The following TRPM3 variants were observed in gnomAD, a reference collection of about 807,000 sequenced individuals.
TRPM3 encodes long transient receptor potential channel 3.
A neutral mutation model predicts 181.2 loss-of-function variants in TRPM3; 77 were observed. The observed-to-expected ratio is 0.42, with a 90% CI of 0.35 to 0.51. The LOEUF (loss-of-function observed/expected upper bound fraction) is 0.51. Among genes scored for constraint, TRPM3 ranks in the 20% least tolerant of loss-of-function variants. The pLI, the probability that TRPM3 is intolerant of heterozygous loss-of-function variation, is 0.01. For synonymous variants in TRPM3, 745 were observed against 796.4 expected (o/e 0.94, Z 1.09); for missense variants, 1,759 against 2,196.7 (o/e 0.80, Z 3.98).
chr9:70,766,783 C>G (rs2079216896), intron 7 of TRPM3, among the ~76,000 whole-genome samples: 1 of 152,192 alleles, frequency 6.6e-6, no homozygotes, highest in Non-Finnish European at 1.5e-5. Context: ...CCCAGAGAGG[C>G]AGGAAGCATT....
intron 1 of TRPM3, among the ~76,000 whole-genome samples, chr9:70,993,257 TGTGGAATGGAAACCA>T (rs2097506105): frequency 6.6e-6 from 1 of 152,204 alleles, no homozygotes; most frequent in Non-Finnish European, 1.5e-5. Flanking sequence ...AAGAACTGAC[TGTGGAATGGAAACCA>T]GGAGTCTGGT....
At chr9:70,939,538 A>G (rs2096864808) in intron 1 of TRPM3, among the ~76,000 whole-genome samples, 1 of 152,240 alleles carries the variant, frequency 6.6e-6, no homozygotes, top group African/African-American at 2.4e-5. Context: ...CTTGAGATAA[A>G]TCAACAAATC....
intron 21 of TRPM3, among the ~76,000 whole-genome samples, chr9:70,597,695 T>C (rs1161945089): frequency 2.0e-5 from 3 of 152,172 alleles, no homozygotes; most frequent in Non-Finnish European, 4.4e-5. Flanking sequence ...TATTAGCTTG[T>C]TACTTGGGAT....
intron 1 of TRPM3, among the ~76,000 whole-genome samples, chr9:71,356,337 A>G (rs764823678): frequency 2.6e-5 from 4 of 151,968 alleles, no homozygotes; most frequent in Admixed American, 6.6e-5. Flanking sequence ...CCACCCCCCA[A>G]TAGGCCCCAG....
chr9:70,855,639 C>T (rs577025247), intron 3 of TRPM3, among the ~76,000 whole-genome samples: 26 of 152,298 alleles, frequency 1.7e-4, no homozygotes, highest in African/African-American at 5.3e-4. Context: ...TTCTTCCAAG[C>T]CTCTAGTGGA....
chr9:71,236,823 G>A (rs2081374969), intron 1 of TRPM3, among the ~76,000 whole-genome samples: 1 of 152,176 alleles, frequency 6.6e-6, no homozygotes, highest in South Asian at 2.1e-4. Context: ...GAAGTGGGCA[G>A]ATAACCTGAG....
chr9:71,256,867 T>C (rs1426640035), intron 1 of TRPM3, among the ~76,000 whole-genome samples: 4 of 152,146 alleles, frequency 2.6e-5, no homozygotes, highest in Admixed American at 6.6e-5. Context: ...TTTTACAAAG[T>C]GTATTCCAGA....
intron 3 of TRPM3, among the ~76,000 whole-genome samples, chr9:70,852,123 A>G: frequency 3.2e-5 from 3 of 93,372 alleles, no homozygotes; most frequent in South Asian, 4.2e-4. Flanking sequence ...GCAAGACTCT[A>G]TCTCCAAAAA....
intron 1 of TRPM3, among the ~76,000 whole-genome samples, chr9:70,971,896 T>C (rs548707172): frequency 6.6e-6 from 1 of 152,070 alleles, no homozygotes; most frequent in East Asian, 1.9e-4. Flanking sequence ...GAGATACAAC[T>C]TCACACCAAC....
At chr9:71,326,353 A>G (rs1350588988) in intron 1 of TRPM3, among the ~76,000 whole-genome samples, 1 of 152,244 alleles carries the variant, frequency 6.6e-6, no homozygotes. Flanking sequence ...CCCAGGTGTC[A>G]GCAGGTGAGC....
chr9:71,395,232 C>T (rs1294190299), intron 1 of TRPM3, among the ~76,000 whole-genome samples: 1 of 152,156 alleles, frequency 6.6e-6, no homozygotes, highest in African/African-American at 2.4e-5. Flanking sequence ...TCAGTGTATC[C>T]CTAGTCTGTA....
intron 8 of TRPM3, among the ~76,000 whole-genome samples, chr9:70,741,227 T>C (rs1203798537): frequency 6.6e-6 from 1 of 152,026 alleles, no homozygotes; most frequent in African/African-American, 2.4e-5. Flanking sequence ...GCATCACTAA[T>C]TAAAAGGGAA....
chr9:71,199,247 T>G (rs2131716625), intron 1 of TRPM3, among the ~76,000 whole-genome samples: 1 of 151,758 alleles, frequency 6.6e-6, no homozygotes, highest in South Asian at 2.1e-4. Context: ...TGGATAAGCT[T>G]TTTGATGTGC....
At chr9:71,254,131 G>A (rs1296739986) in intron 1 of TRPM3, among the ~76,000 whole-genome samples, 1 of 152,124 alleles carries the variant, frequency 6.6e-6, no homozygotes, top group Admixed American at 6.5e-5. Context: ...TGTTGGCCAG[G>A]ATGGTCTTGA....
At position 70,857,759 on chromosome 9, in the gene TRPM3, T is replaced by C. The variant is rs533518019; in HGVS notation, c.462+5149A>G. 8.5e-5 allele frequency among the ~76,000 whole-genome samples: 13 copies of C among 152,322 alleles called. No individual in the cohort carries two copies. The South Asian group carries it at 2.7e-3, about 32-fold the overall frequency. On this transcript the variant is annotated intron_variant, in intron 3 of 25. Transcript: ENST00000677713. ...TTAGTTAGTGTTTTTTAAGCCTGAC[T>C]GAACAGTAGAATAACCTGAGTAATT...
Position 70,864,520 on chromosome 9 carries a change from G to GAAAAAAAAAAAAAA in TRPM3, c.178-10_178-9insTTTTTTTTTTTTTT, listed in dbSNP as rs772331942. On this transcript the variant is annotated splice_polypyrimidine_tract_variant and intron_variant, in intron 1 of 25. Transcript: ENST00000677713. ...ATCCAGGATTTCTGAGCCTGAAAAA[G>GAAAAAAAAAAAAAA]AAAACAAAAAAAAAAAAAAAAGAAA... is the stretch of plus-strand genomic sequence containing the variant. The GAAAAAAAAAAAAAA allele has an allele frequency of 5.1e-6, 2 of 389,374 alleles. No individual in the cohort carries two copies. The highest frequency in any genetic ancestry group is 7.8e-5 in the African/African-American group (1 of 12,810). The allele number at this position is 389,374 out of a possible 1,614,324, so 24.1% of individuals were successfully genotyped here.
At chr9:71,332,376 GGTGTGTGTGT>G (rs3041716) in intron 1 of TRPM3, among the ~76,000 whole-genome samples, 3,301 of 142,296 alleles carry the variant, frequency 0.023, 146 homozygotes, top group African/African-American at 0.08. Flanking sequence ...TTCAATGTTG[GGTGTGTGTGT>G]GTGTGTGTGT....
At chr9:70,620,449 GCT>G in intron 15 of TRPM3, 84 bp from the exon 16 acceptor site, 2 of 1,442,434 alleles carry the variant, frequency 1.4e-6, no homozygotes, top group South Asian at 1.3e-5. Context: ...TCTTCTCCCA[GCT>G]AGCTCTGGGA....
At chr9:70,668,430 C>T (rs935833752) in intron 9 of TRPM3, among the ~76,000 whole-genome samples, 3 of 151,012 alleles carry the variant, frequency 2.0e-5, no homozygotes, top group African/African-American at 7.3e-5. Context: ...TTTGGGAGGC[C>T]GAGGCGGGCG....
Sources: gnomAD v4.1 joint callset for allele counts (sites outside exome capture counted in the v4.1 genomes callset) on GRCh38, gnomAD v4.1.1 for gene constraint, MANE v1.5 for transcripts, NCBI Gene and HGNC (gene_info 2026-07-23, HGNC 2026-07-21) for gene names.